UBE2G1: variants seen among roughly 807,000 people sequenced by gnomAD.
UBE2G1 encodes the protein ubiquitin-conjugating enzyme E2 G1.
Under a neutral mutation model 22.7 loss-of-function variants are expected in UBE2G1, and 5 were observed. The observed-to-expected ratio is 0.22, with a 90% CI of 0.12 to 0.46. UBE2G1 has a LOEUF of 0.46. Among genes scored for constraint, UBE2G1 ranks in the 20% least tolerant of loss-of-function variants. The pLI, the probability that UBE2G1 is intolerant of heterozygous loss-of-function variation, is 0.99. For missense variants in UBE2G1, 88 were observed against 203.9 expected (o/e 0.43, Z 3.46); for synonymous variants, 74 against 67.5 (o/e 1.10, Z -0.47).
At chr17:4,286,484 A>G (rs147254749) in intron 4 of UBE2G1, among the ~76,000 whole-genome samples, 18 of 152,306 alleles carry the variant, frequency 1.2e-4, no homozygotes, top group Non-Finnish European at 2.1e-4. Flanking sequence ...AACTAGTTAA[A>G]TCAGAAGGAA....
At chr17:4,305,812 G>C (rs1441844942) in intron 2 of UBE2G1, among the ~76,000 whole-genome samples, 5 of 152,204 alleles carry the variant, frequency 3.3e-5, no homozygotes, top group African/African-American at 1.2e-4. Context: ...AAAGTGCTGG[G>C]ATTACAGGCG....
At chr17:4,316,854 T>A (rs1166869534) in intron 1 of UBE2G1, among the ~76,000 whole-genome samples, 2 of 150,682 alleles carry the variant, frequency 1.3e-5, no homozygotes, top group African/African-American at 2.4e-5. Context: ...TCAGGAGGAC[T>A]GTTTGGGCCC....
chr17:4,288,387 C>T lies in UBE2G1; in HGVS notation c.426+843G>A, dbSNP rs564008944. The stretch of plus-strand genomic sequence containing the variant: ...GACTATAGGCGCCCGCCACCACGCC[C>T]GGCTAATTTTTCGTATTTTTAATGG... On this transcript the variant is annotated intron_variant, in intron 4 of 5. Coordinates refer to ENST00000396981, the MANE Select transcript of UBE2G1 (RefSeq NM_003342.5). Among the ~76,000 whole-genome samples, 6 of 152,126 alleles carry T rather than the reference C, an allele frequency of 3.9e-5. 1 individual carries two copies. The highest frequency in any genetic ancestry group is 2.1e-4 in the South Asian group (1 of 4,812).
intron 1 of UBE2G1, among the ~76,000 whole-genome samples, chr17:4,365,445 G>T (rs998021624): frequency 2.0e-5 from 3 of 152,222 alleles, no homozygotes; most frequent in Non-Finnish European, 4.4e-5. Flanking sequence ...CGGGACAATG[G>T]GGGAGGGGGG....
intron 1 of UBE2G1, among the ~76,000 whole-genome samples, chr17:4,363,520 C>T (rs900999790): frequency 3.9e-5 from 6 of 152,184 alleles, no homozygotes; most frequent in African/African-American, 1.4e-4. Context: ...AGATGACCAT[C>T]AAAATCTAGA....
chr17:4,308,565 G>C (rs756872637), intron 1 of UBE2G1, among the ~76,000 whole-genome samples: 2 of 152,078 alleles, frequency 1.3e-5, no homozygotes, highest in African/African-American at 4.8e-5. Context: ...AATAAGTACT[G>C]ATATACACCA....
intron 5 of UBE2G1, among the ~76,000 whole-genome samples, chr17:4,281,860 C>A (rs1330782028): frequency 6.6e-6 from 1 of 152,136 alleles, no homozygotes; most frequent in African/African-American, 2.4e-5. Context: ...CAGTTTCTAT[C>A]ATTTCAATAT....
chr17:4,289,455 T>C lies in UBE2G1; in HGVS notation c.248-47A>G, dbSNP rs757587733. The C allele has an allele frequency of 8.2e-6, 12 of 1,459,060 alleles. No individual in the cohort carries two copies. In the Admixed American group the frequency reaches 2.3e-4, roughly 28 times the overall value. The allele number at this position is 1,459,060 out of a possible 1,614,324, so 90.4% of individuals were successfully genotyped here. ...TTGTTTCATATATTACTAATTTGGT[T>C]ATACATGAAATATCAATTACAAATG... On this transcript the variant is annotated intron_variant, in intron 3 of 5. Transcript: ENST00000396981.
intron 1 of UBE2G1, among the ~76,000 whole-genome samples, chr17:4,314,421 T>C (rs1371481155): frequency 5.3e-5 from 8 of 152,202 alleles, no homozygotes; most frequent in Admixed American, 3.9e-4. Context: ...CATGAGTTTA[T>C]AACTGTGAAA....
intron 3 of UBE2G1, among the ~76,000 whole-genome samples, chr17:4,290,596 C>T (rs1347591845): frequency 1.3e-5 from 2 of 151,640 alleles, no homozygotes; most frequent in Non-Finnish European, 2.9e-5. Flanking sequence ...CTCAGCCCTC[C>T]AAGTAGCTGG....
chr17:4,339,235 G>A (rs1324818937), intron 1 of UBE2G1, among the ~76,000 whole-genome samples: 1 of 151,914 alleles, frequency 6.6e-6, no homozygotes, highest in Non-Finnish European at 1.5e-5. Flanking sequence ...ATTTTAGAAA[G>A]GCCACATAGC....
intron 4 of UBE2G1, among the ~76,000 whole-genome samples, chr17:4,286,356 G>C (rs1311258624): frequency 2.0e-5 from 3 of 149,716 alleles, no homozygotes; most frequent in Non-Finnish European, 4.4e-5. Flanking sequence ...AGTGAGCTGA[G>C]ATTGTGCCAC....
At chr17:4,333,820 A>G (rs1357550787) in intron 1 of UBE2G1, among the ~76,000 whole-genome samples, 1 of 150,672 alleles carries the variant, frequency 6.6e-6, no homozygotes, top group Non-Finnish European at 1.5e-5. Context: ...CTCCGTCTCA[A>G]AAAAAAAAAG....
chr17:4,322,720 A>G (rs924161905), intron 1 of UBE2G1, among the ~76,000 whole-genome samples: 5 of 152,224 alleles, frequency 3.3e-5, no homozygotes, highest in Non-Finnish European at 7.3e-5. Context: ...AGGGAACCAA[A>G]AGCTGAGCCC....
At chr17:4,329,345 G>C (rs1043819462) in intron 1 of UBE2G1, among the ~76,000 whole-genome samples, 1 of 151,838 alleles carries the variant, frequency 6.6e-6, no homozygotes. Flanking sequence ...GTTGCAGTGA[G>C]CAGAGATCGC....
At chr17:4,315,718 C>T (rs1443301709) in intron 1 of UBE2G1, among the ~76,000 whole-genome samples, 26 of 147,274 alleles carry the variant, frequency 1.8e-4, no homozygotes, top group South Asian at 6.5e-4. Context: ...CCAGCCTGGG[C>T]GAAAGAGCGA....
At chr17:4,320,698 C>A (rs548592693) in intron 1 of UBE2G1, among the ~76,000 whole-genome samples, 1 of 152,128 alleles carries the variant, frequency 6.6e-6, no homozygotes, top group South Asian at 2.1e-4. Flanking sequence ...TTAGACACTA[C>A]CTTCTTGCTC....
In UBE2G1 at chr17:4,270,108, C is replaced by A. The variant is rs1567993931; in HGVS notation, c.*2446G>T. ...CATGTGGAGACGCACTCATGCCTGG[C>A]TCTCACTTCCACTCCCGTAGAGCTA... On this transcript the variant is annotated 3_prime_UTR_variant, in exon 6 of 6. Coordinates refer to ENST00000396981, the MANE Select transcript of UBE2G1 (RefSeq NM_003342.5). 6.6e-6 allele frequency: 1 copy of A among 152,452 alleles called. No homozygotes were observed. The highest frequency in any genetic ancestry group is 2.4e-5 in the African/African-American group (1 of 41,390). The allele number at this position is 152,452 out of a possible 1,614,324, so 9.4% of individuals were successfully genotyped here. A position where few individuals can be genotyped will look rare whatever the true frequency, so the allele number is the denominator to read the frequency against.
chr17:4,361,142 G>C (rs1485371487), intron 1 of UBE2G1, among the ~76,000 whole-genome samples: 1 of 151,948 alleles, frequency 6.6e-6, no homozygotes, highest in Non-Finnish European at 1.5e-5. Flanking sequence ...AGAATCACTT[G>C]AACTCAGGAG....
Sources: gnomAD v4.1 joint callset for allele counts (sites outside exome capture counted in the v4.1 genomes callset) on GRCh38, gnomAD v4.1.1 for gene constraint, MANE v1.5 for transcripts, NCBI Gene and HGNC (gene_info 2026-07-23, HGNC 2026-07-21) for gene names.